TASOR2: variants seen among roughly 807,000 people sequenced by gnomAD.
The protein encoded by TASOR2 is transcription activation suppressor family member 2, also known as protein TASOR 2.
In TASOR2, 84 loss-of-function variants were observed where a neutral mutation model predicts 199.5. The observed-to-expected ratio is 0.42, with a 90% CI of 0.35 to 0.50. The LOEUF is 0.50. Ranked by LOEUF, TASOR2 falls within the 20% of genes least tolerant of loss-of-function variation. The probability of loss-of-function intolerance (pLI) is 0.02; values close to 1 mark genes in which losing one functional copy is unlikely to be tolerated. For missense variants in TASOR2, 2,796 were observed against 2,835.9 expected, an observed-to-expected ratio of 0.99 and a Z score of 0.32; for synonymous variants, 1,103 against 1,046.6, an observed-to-expected ratio of 1.05 and a Z score of -1.04.
intron 11 of TASOR2, among the ~76,000 whole-genome samples, chr10:5,732,414 G>A (rs1474434396): frequency 6.6e-6 from 1 of 152,190 alleles, no homozygotes; most frequent in Non-Finnish European, 1.5e-5. Context: ...TGTACTCTAT[G>A]GCCCCTCACA....
intron 1 of TASOR2, among the ~76,000 whole-genome samples, chr10:5,711,468 G>T (rs1831897938): frequency 1.3e-5 from 2 of 152,060 alleles, no homozygotes; most frequent in African/African-American, 2.4e-5. Context: ...TCTCCTTATT[G>T]TTTATAAATA....
chr10:5,746,076 T>TA, intron 14 of TASOR2, 103 bp from the exon 16 acceptor site: 1 of 1,302,710 alleles, frequency 7.7e-7, no homozygotes, highest in Non-Finnish European at 1.0e-6. Context: ...ATTCACAAAC[T>TA]AAAATTAATT....
chr10:5,697,534 GAGGC>G (rs1837309473), intron 1 of TASOR2, among the ~76,000 whole-genome samples: 1 of 152,164 alleles, frequency 6.6e-6, no homozygotes, highest in South Asian at 2.1e-4. Flanking sequence ...GGGCATGGGG[GAGGC>G]AGAGATCTTA....
intron 1 of TASOR2, among the ~76,000 whole-genome samples, chr10:5,692,553 CCTGCGGGTT>C (rs1564244540): frequency 6.6e-6 from 1 of 152,094 alleles, no homozygotes; most frequent in Non-Finnish European, 1.5e-5. Flanking sequence ...GTCCTGGGGT[CCTGCGGGTT>C]CTGTAGGGTT....
intron 2 of TASOR2, 42 bp from the exon 3 acceptor site, chr10:5,714,093 C>A: frequency 1.9e-6 from 2 of 1,040,024 alleles, no homozygotes; most frequent in Non-Finnish European, 2.5e-6. Flanking sequence ...AGCATTTTTT[C>A]ATTGCTTCAA....
chr10:5,729,497 T>C (rs1029527884), intron 10 of TASOR2, among the ~76,000 whole-genome samples: 2 of 152,244 alleles, frequency 1.3e-5, no homozygotes, highest in Non-Finnish European at 2.9e-5. Flanking sequence ...GCCCACTCGT[T>C]CAAGACCAGC....
rs1564260029 is a variant in TASOR2 at position 5,701,608 on chromosome 10, AT to A, written c.-287-11209del. On this transcript the variant is annotated intron_variant, in intron 1 of 20. Transcript: ENST00000328090. The surrounding 1 kb of genome is among the most constrained non-coding windows in gnomAD (Gnocchi z 4.9). ...GTCCCTGAGCATAGAGTATCTTTCTATTTTTTAATGTCCACTTCAATTTCTT... is the reference window on the plus strand; with the variant it reads ...GTCCCTGAGCATAGAGTATCTTTCTATTTTTAATGTCCACTTCAATTTCTT... 6.6e-6 allele frequency among the ~76,000 whole-genome samples: 1 copy of A among 152,072 alleles called. No homozygotes were observed. The highest frequency in any genetic ancestry group is 2.4e-5 in the African/African-American group (1 of 41,412).
chr10:5,705,921 C>T (rs1038367806), intron 1 of TASOR2, among the ~76,000 whole-genome samples: 1 of 152,024 alleles, frequency 6.6e-6, no homozygotes, highest in Non-Finnish European at 1.5e-5. Flanking sequence ...ATTTTGTGCC[C>T]TATGAAAACT....
intron 19 of TASOR2, 57 bp from the exon 21 acceptor site, chr10:5,762,475 T>TA: frequency 2.2e-6 from 1 of 455,020 alleles, no homozygotes; most frequent in Non-Finnish European, 3.7e-6. Flanking sequence ...CAGGTCCTGT[T>TA]ATATAAAAGT....
intron 1 of TASOR2, among the ~76,000 whole-genome samples, chr10:5,696,553 C>T (rs1011626294): frequency 2.0e-5 from 3 of 152,140 alleles, no homozygotes; most frequent in Admixed American, 2.0e-4. Flanking sequence ...GATGGGGTCT[C>T]ACTATGTTGC....
intron 15 of TASOR2, among the ~76,000 whole-genome samples, chr10:5,756,288 C>T (rs1411387856): frequency 2.0e-5 from 3 of 152,148 alleles, no homozygotes; most frequent in Non-Finnish European, 4.4e-5. Context: ...CTACAGGTAG[C>T]ATTTTTAAAG....
At chr10:5,684,914 T>C (rs1248856011) in exon 1 of TASOR2, 4 of 397,654 alleles carry the variant, frequency 1.0e-5, no homozygotes, top group African/African-American at 2.1e-5. Flanking sequence ...GGGTTGCCTC[T>C]TGCCCGTGAC....
At position 5,740,768 on chromosome 10, in the gene TASOR2, T is replaced by C. The variant is rs150412669; in HGVS notation, c.2327+271T>C. 2.6e-5 allele frequency among the ~76,000 whole-genome samples: 4 copies of C among 152,346 alleles called. No individual in the cohort carries two copies. Among genetic ancestry groups the C allele is most frequent in the Non-Finnish European group, 4.4e-5 (3 of 68,032 alleles). ...TTTTGCAATGCTCCCTCGTAAGCCC[T>C]TGTGGCTTTTGAATTTCAATTTTTA... is the stretch of plus-strand genomic sequence containing the variant. On this transcript the variant is annotated intron_variant, in intron 13 of 20. Coordinates refer to ENST00000328090, the Ensembl canonical transcript of TASOR2. The surrounding 1 kb of genome is among the most constrained non-coding windows in gnomAD (Gnocchi z 5.3).
In TASOR2 at chr10:5,716,485, C is replaced by T. The variant is rs558381029; in HGVS notation, c.-191-1174C>T. Among the ~76,000 whole-genome samples the T allele has an allele frequency of 7.9e-5, 12 of 152,248 alleles. No homozygotes were observed. The South Asian group carries it at 8.3e-4, about 11-fold the overall frequency. ...GACGTTAAAAGTGATAAATTCATAA[C>T]GCTGATAACACTGCATACAGCTTTT... On this transcript the variant is annotated intron_variant, in intron 2 of 20. Transcript: ENST00000328090.
At chr10:5,721,525 T>G (rs1564293237) in intron 6 of TASOR2, among the ~76,000 whole-genome samples, 1 of 152,168 alleles carries the variant, frequency 6.6e-6, no homozygotes. Context: ...ACTGATGTGT[T>G]GTGAGGATTC....
In TASOR2 at chr10:5,687,214, T is replaced by C. The variant is rs1835903447; in HGVS notation, c.-288+2039T>C. On this transcript the variant is annotated intron_variant, in intron 1 of 20. Coordinates refer to ENST00000328090, the Ensembl canonical transcript of TASOR2. This position sits in a 1 kb window ranked among gnomAD's most constrained non-coding sequence, Gnocchi z 4.8. Reference sequence around the variant, plus strand: ...TTAATAAAAGCTTTAGAAACTTTAGTTAGTTTGGAAACCTTTTGTGTGTTT... The same window carrying C: ...TTAATAAAAGCTTTAGAAACTTTAGCTAGTTTGGAAACCTTTTGTGTGTTT... 6.6e-6 allele frequency among the ~76,000 whole-genome samples: 1 copy of C among 152,226 alleles called. No individual in the cohort carries two copies. Among genetic ancestry groups the C allele is most frequent in the African/African-American group, 2.4e-5 (1 of 41,466 alleles).
intron 6 of TASOR2, among the ~76,000 whole-genome samples, chr10:5,721,809 C>T (rs1002195367): frequency 2.6e-5 from 4 of 152,156 alleles, no homozygotes; most frequent in African/African-American, 9.7e-5. Context: ...ACAAAGGAAA[C>T]AATGCAGACT....
chr10:5,718,123 C>A (rs923726921), intron 3 of TASOR2, among the ~76,000 whole-genome samples: 3 of 152,054 alleles, frequency 2.0e-5, no homozygotes, highest in African/African-American at 7.2e-5. Context: ...TCAATAGAAT[C>A]TTTATTTTCT....
chr10:5,695,870 G>A (rs980829864), intron 1 of TASOR2, among the ~76,000 whole-genome samples: 2 of 152,132 alleles, frequency 1.3e-5, no homozygotes, highest in Non-Finnish European at 2.9e-5. Flanking sequence ...GGAATTGGGG[G>A]TATCAAGTAC....
Sources: allele counts gnomAD v4.1 joint callset (sites outside exome capture counted in the v4.1 genomes callset), GRCh38; gene constraint gnomAD v4.1.1; non-coding constraint Gnocchi (gnomAD v3.1); transcripts MANE v1.5; gene names NCBI Gene and HGNC (gene_info 2026-07-23, HGNC 2026-07-21).